Variants in RFC3 observed in about 807,000 individuals in gnomAD.
RFC3 encodes the protein A1 38 kDa subunit.
Under a neutral mutation model 45.1 loss-of-function variants are expected in RFC3, and 41 were observed. That is an observed-to-expected ratio of 0.91 (90% confidence interval 0.71 to 1.18). The LOEUF is 1.18. Ranked by LOEUF, RFC3 falls within the 50% of genes most tolerant of loss-of-function variation. The probability of loss-of-function intolerance (pLI) is 0.00; values close to 1 mark genes in which losing one functional copy is unlikely to be tolerated. For missense variants in RFC3, 423 were observed against 428.1 expected (o/e 0.99, Z 0.10); for synonymous variants, 149 against 144.0 (o/e 1.03, Z -0.25).
chr13:33,828,174 T>G (rs1462487025), intron 4 of RFC3, among the ~76,000 whole-genome samples: 2 of 151,966 alleles, frequency 1.3e-5, no homozygotes, highest in East Asian at 3.9e-4. Flanking sequence ...AAAAATAAAG[T>G]AAATAAATGA....
In RFC3 at chr13:33,834,165, T is replaced by C. The variant is rs548370326; in HGVS notation, c.810-983T>C. Among the ~76,000 whole-genome samples, 1,071 of 150,162 alleles carry C rather than the reference T, an allele frequency of 7.1e-3. 8 individuals carry two copies. Among genetic ancestry groups the C allele is most frequent in the African/African-American group, 0.014 (555 of 40,622 alleles). ...CAGAAATGCTAGTTCTTTTTTTTTT[T>C]CCCCCACTTTTTTTAAGATTTAATG... On this transcript the variant is annotated intron_variant, in intron 7 of 8. Transcript: ENST00000380071.
intron 8 of RFC3, among the ~76,000 whole-genome samples, chr13:33,914,019 A>G (rs1259187306): frequency 2.0e-5 from 3 of 152,150 alleles, no homozygotes; most frequent in Non-Finnish European, 4.4e-5. Flanking sequence ...ACAGATGGCC[A>G]ATCAATAGTA....
At chr13:33,872,452 G>T (rs989322974) in intron 8 of RFC3, among the ~76,000 whole-genome samples, 1 of 152,142 alleles carries the variant, frequency 6.6e-6, no homozygotes, top group African/African-American at 2.4e-5. Context: ...AAAAATAAAC[G>T]GCCAGGTGCG....
intron 8 of RFC3, among the ~76,000 whole-genome samples, chr13:33,893,768 A>G (rs535892152): frequency 2.0e-5 from 3 of 152,192 alleles, no homozygotes; most frequent in African/African-American, 7.2e-5. Flanking sequence ...CAACAGCAGA[A>G]TGGATCAAGC....
chr13:33,946,870 G>A (rs1391539326), intron 8 of RFC3, among the ~76,000 whole-genome samples: 4 of 152,198 alleles, frequency 2.6e-5, no homozygotes, highest in Non-Finnish European at 5.9e-5. Context: ...ATGTCGGTGA[G>A]CTTTTTGTAC....
intron 4 of RFC3, among the ~76,000 whole-genome samples, chr13:33,826,243 C>T (rs1297096502): frequency 3.3e-5 from 5 of 152,112 alleles, no homozygotes; most frequent in African/African-American, 1.2e-4. Context: ...CTTTACCATC[C>T]AAGCATTTTT....
intron 4 of RFC3, among the ~76,000 whole-genome samples, chr13:33,826,270 A>G (rs2082048312): frequency 1.3e-5 from 2 of 152,312 alleles, no homozygotes; most frequent in South Asian, 2.1e-4. Context: ...ATATATGGAT[A>G]CATTCTTACT....
downstream of RFC3, chr13:33,837,593 T>G (rs2082167151): frequency 6.6e-6 from 1 of 152,100 alleles, no homozygotes; most frequent in Non-Finnish European, 1.5e-5. Context: ...AACATTAACT[T>G]TTAAAAAGTT....
intron 8 of RFC3, among the ~76,000 whole-genome samples, chr13:33,949,760 A>G (rs2082977286): frequency 6.6e-6 from 1 of 152,212 alleles, no homozygotes; most frequent in Non-Finnish European, 1.5e-5. Flanking sequence ...TGAATAAAGC[A>G]GATTGTCTTC....
At chr13:33,967,501 T>TA (rs1412954596), downstream of RFC3, among the ~76,000 whole-genome samples, 2 of 150,038 alleles carry the variant, frequency 1.3e-5, no homozygotes, top group East Asian at 3.9e-4. Flanking sequence ...TTTTTTTTTT[T>TA]TTTTGAGATG....
chr13:33,908,174 A>C (rs966270215), intron 8 of RFC3, among the ~76,000 whole-genome samples: 38 of 152,096 alleles, frequency 2.5e-4, no homozygotes, highest in Admixed American at 6.6e-4. Flanking sequence ...TCTGAAAAAA[A>C]ACACACACAC....
At chr13:33,831,232 T>G (rs763736587) in intron 6 of RFC3, 24 bp from the exon 7 acceptor site, 1 of 1,397,902 alleles carries the variant, frequency 7.2e-7, no homozygotes, top group Non-Finnish European at 1.0e-6. Flanking sequence ...GTTTAACTTC[T>G]TGTGTTCTCT....
chr13:33,870,002 C>T (rs1032333472), intron 8 of RFC3, among the ~76,000 whole-genome samples: 1 of 152,148 alleles, frequency 6.6e-6, no homozygotes, highest in Non-Finnish European at 1.5e-5. Context: ...ACAAAGGGAA[C>T]GAGCAATCCT....
rs747397239 is a variant in RFC3 at position 33,830,823 on chromosome 13, C to T, written c.678C>T (p.Ala226=). 6.2e-7 allele frequency: 1 copy of T among 1,613,638 alleles called. No homozygotes were observed. The highest frequency in any genetic ancestry group is 1.1e-5 in the South Asian group (1 of 91,054). Residue 226 remains alanine, a synonymous_variant, in exon 6 of 9, where the codon GCC becomes GCT. Coordinates refer to ENST00000380071, the MANE Select transcript of RFC3 (RefSeq NM_002915.4). ...AEKSCRNLRK[A]LLMCEACRVQ... is the part of the protein sequence containing the mutation. ...AGTCTTGTAGAAATCTCAGAAAAGC[C>T]CTGCTTATGTGTGAAGCCTGCAGAG...
chr13:33,855,182 G>T (rs573098515), intron 8 of RFC3, among the ~76,000 whole-genome samples: 4 of 152,230 alleles, frequency 2.6e-5, no homozygotes, highest in African/African-American at 9.6e-5. Flanking sequence ...ACTACTTTCA[G>T]TTTGAAGTCT....
At chr13:33,864,115 G>A (rs1485660323) in intron 8 of RFC3, among the ~76,000 whole-genome samples, 1 of 152,070 alleles carries the variant, frequency 6.6e-6, no homozygotes, top group Non-Finnish European at 1.5e-5. Flanking sequence ...TTGTGAGAGA[G>A]GGAGTGAGAG....
intron 8 of RFC3, chr13:33,850,511 T>C (rs1169582930): frequency 6.6e-6 from 1 of 152,136 alleles, no homozygotes; most frequent in Non-Finnish European, 1.5e-5. Context: ...TAATCAGGCT[T>C]TGATTTTAAA....
chr13:33,937,266 G>A (rs760295903), intron 8 of RFC3, among the ~76,000 whole-genome samples: 2 of 152,128 alleles, frequency 1.3e-5, no homozygotes, highest in African/African-American at 2.4e-5. Context: ...GTGACATGCT[G>A]TACAGGCTTG....
At chr13:33,956,221 C>T (rs1179902043) in intron 8 of RFC3, among the ~76,000 whole-genome samples, 1 of 152,266 alleles carries the variant, frequency 6.6e-6, no homozygotes, top group East Asian at 1.9e-4. Context: ...TCCTTTCTTG[C>T]ACTGAGGTTA....
Sources: gnomAD v4.1 joint callset for allele counts (sites outside exome capture counted in the v4.1 genomes callset) on GRCh38, gnomAD v4.1.1 for gene constraint, MANE v1.5 for transcripts, NCBI Gene and HGNC (gene_info 2026-07-23, HGNC 2026-07-21) for gene names.